USP37: variants seen among roughly 807,000 people sequenced by gnomAD.
USP37 encodes ubiquitin carboxyl-terminal hydrolase 37.
A neutral mutation model predicts 124.0 loss-of-function variants in USP37; 27 were observed. The observed-to-expected ratio is 0.22, with a 90% CI of 0.16 to 0.30. USP37 has a LOEUF of 0.30. Among genes scored for constraint, USP37 ranks in the 10% least tolerant of loss-of-function variants. The pLI is 1.00. For missense variants in USP37, 889 were observed against 1,140.4 expected (o/e 0.78, Z 3.17); for synonymous variants, 365 against 388.0 (o/e 0.94, Z 0.70).
intron 8 of USP37, among the ~76,000 whole-genome samples, chr2:218,544,406 AATATAT>A (rs1198499526): frequency 9.6e-5 from 8 of 82,972 alleles, no homozygotes; most frequent in African/African-American, 2.1e-4. Flanking sequence ...AAAAAAAAAA[AATATAT>A]ATATATATAT....
Position 218,474,734 on chromosome 2 carries a change from G to A in USP37, c.2195C>T (p.Pro732Leu), listed in dbSNP as rs1690871945. The change falls in exon 20 of 26, where the codon CCA (proline) becomes CTA (leucine). Residue 732 changes from proline to leucine, a missense_variant. This residue lies in a region of USP37 where 504 missense variants were observed against 714.3 expected (regional missense o/e 0.71). Transcript: ENST00000258399. ...PSLSHEDDDK[P>L]TSSPDTGFAE... is the part of the protein sequence containing the mutation. Reference sequence around the variant, plus strand: ...AAATCCGGTATCTGGGCTGCTAGTTGGCTTATCATCATCTTCATGACTCAG... The same window carrying A: ...AAATCCGGTATCTGGGCTGCTAGTTAGCTTATCATCATCTTCATGACTCAG... The A allele has an allele frequency of 1.2e-6, 2 of 1,614,068 alleles. No individual in the cohort carries two copies. Among genetic ancestry groups the A allele is most frequent in the Non-Finnish European group, 1.7e-6 (2 of 1,180,004 alleles).
chr2:218,519,159 A>G (rs1016414998), intron 10 of USP37, among the ~76,000 whole-genome samples: 16 of 152,378 alleles, frequency 1.1e-4, no homozygotes, highest in African/African-American at 3.6e-4. Context: ...AATATCTGAT[A>G]TACTTCCATT....
chr2:218,530,210 T>C (rs1330696892), intron 9 of USP37, among the ~76,000 whole-genome samples, 170 bp from the exon 10 acceptor site: 2 of 152,222 alleles, frequency 1.3e-5, no homozygotes, highest in Non-Finnish European at 2.9e-5. Context: ...CTCACAGATA[T>C]TGCAGGTTTT....
At position 218,498,067 on chromosome 2, in the gene USP37, T is replaced by G; in HGVS notation, c.1116A>C (p.Gln372His). ...LQSFANDLLKQGIPWKKIPLN... is the reference protein window; with the variant it reads ...LQSFANDLLKHGIPWKKIPLN... Reference sequence around the variant, plus strand: ...GTGGAATTTTCTTCCATGGGATACCTTGTTTAAGCAAGTCATTTGCAAATG... The same window carrying G: ...GTGGAATTTTCTTCCATGGGATACCGTGTTTAAGCAAGTCATTTGCAAATG... The change falls in exon 12 of 26, where the codon CAA becomes CAC. Residue 372 changes from glutamine to histidine, a missense_variant. This residue lies in a region of USP37 where 504 missense variants were observed against 714.3 expected (regional missense o/e 0.71). Transcript: ENST00000258399. 1 of 1,612,418 alleles carries G rather than the reference T, an allele frequency of 6.2e-7. No homozygotes were observed. The highest frequency in any genetic ancestry group is 8.5e-7 in the Non-Finnish European group (1 of 1,179,560).
chr2:218,557,252 A>G (rs1480903949), intron 4 of USP37, among the ~76,000 whole-genome samples: 1 of 152,214 alleles, frequency 6.6e-6, no homozygotes, highest in Non-Finnish European at 1.5e-5. Flanking sequence ...TGGAACTGAG[A>G]TAAAGGCTGA....
At chr2:218,485,320 A>G (rs1574866667) in intron 16 of USP37, among the ~76,000 whole-genome samples, 1 of 152,002 alleles carries the variant, frequency 6.6e-6, no homozygotes, top group African/African-American at 2.4e-5. Context: ...CTTTAAATAT[A>G]TATTTCTTTC....
At chr2:218,476,804 A>G (rs1198395815) in intron 19 of USP37, 36 bp downstream of exon 19, 3 of 1,578,272 alleles carry the variant, frequency 1.9e-6, no homozygotes, top group African/African-American at 1.4e-5. Context: ...GAGATAAACA[A>G]ATCTTTGTCA....
rs767788438 is a variant in USP37, at chr2:218,534,724, A to C, written c.681-18T>G. 6.6e-7 allele frequency: 1 copy of C among 1,513,348 alleles called. No homozygotes were observed. The highest frequency in any genetic ancestry group is 1.2e-5 in the South Asian group (1 of 83,570). The allele number at this position is 1,513,348 out of a possible 1,614,324, so 93.7% of individuals were successfully genotyped here. ...TGTTGTTCCTATAGTTAATAATTTT[A>C]CATCAATATAGTACAGGTGTATAAA... On this transcript the variant is annotated intron_variant, in intron 8 of 25. Coordinates refer to ENST00000258399, the MANE Select transcript of USP37 (RefSeq NM_020935.3).
chr2:218,484,972 A>G (rs575477402), intron 16 of USP37, among the ~76,000 whole-genome samples: 1 of 152,288 alleles, frequency 6.6e-6, no homozygotes, highest in South Asian at 2.1e-4. Context: ...ATATCAGAAA[A>G]TTTATCTTAT....
At chr2:218,458,050 A>G (rs971664704) in intron 23 of USP37, among the ~76,000 whole-genome samples, 36 of 150,162 alleles carry the variant, frequency 2.4e-4, no homozygotes, top group African/African-American at 7.4e-4. Context: ...AAAAAAAAAA[A>G]AAAAGAAAAG....
At chr2:218,535,547 T>C (rs1251244794) in intron 8 of USP37, among the ~76,000 whole-genome samples, 1 of 151,082 alleles carries the variant, frequency 6.6e-6, no homozygotes, top group Admixed American at 6.6e-5. Flanking sequence ...CCCATCTCTA[T>C]TAAAAATACA....
intron 21 of USP37, 51 bp from the exon 22 acceptor site, chr2:218,463,417 C>T (rs1408194559): frequency 6.6e-7 from 1 of 1,520,964 alleles, no homozygotes; most frequent in Non-Finnish European, 9.1e-7. Flanking sequence ...ACTGATTAAA[C>T]TTACTTAATG....
chr2:218,478,483 A>C (rs1207799455), intron 18 of USP37, among the ~76,000 whole-genome samples: 1 of 152,206 alleles, frequency 6.6e-6, no homozygotes, highest in Non-Finnish European at 1.5e-5. Context: ...TCTGGTTCAT[A>C]ACTCAGCCTC....
At position 218,546,988 on chromosome 2, in the gene USP37, C is replaced by G. The variant is rs775809201; in HGVS notation, c.533G>C (p.Gly178Ala). 4 of 1,613,622 alleles carry G rather than the reference C, an allele frequency of 2.5e-6. No individual in the cohort carries two copies. The African/African-American group carries it at 4.0e-5, about 16-fold the overall frequency. The change falls in exon 7 of 26, where the codon GGA becomes GCA. Residue 178 changes from glycine (G) to alanine (A), a missense_variant. By Grantham distance (60) the Gly-to-Ala change is moderately conservative (BLOSUM62 0). Coordinates refer to ENST00000258399, the MANE Select transcript of USP37 (RefSeq NM_020935.3). ...RGSIKTVAGS[G>A]IARTIPSLTS... Reference sequence around the variant, plus strand: ...CAAAGAAGGAATCGTCCGAGCTATTCCACTTCCTGCTACAGTCTTAATCGA... The same window carrying G: ...CAAAGAAGGAATCGTCCGAGCTATTGCACTTCCTGCTACAGTCTTAATCGA...
chr2:218,460,006 G>A (rs1574833992), intron 22 of USP37, 101 bp from the exon 23 acceptor site: 1 of 742,780 alleles, frequency 1.3e-6, no homozygotes, highest in Admixed American at 2.4e-5. Flanking sequence ...CGAGACAGGT[G>A]GATCACCTGA....
In USP37 at chr2:218,471,692, A is replaced by AT. The variant is rs978551176; in HGVS notation, c.2299+2937dup. ...CAGGCCAAAAAACATGTCTCCCTTG[A>AT]TTTTTTTTTTCCCTTGGCACCTTTG... is the stretch of plus-strand genomic sequence containing the variant. On this transcript the variant is annotated intron_variant, in intron 20 of 25. Transcript: ENST00000258399. 1.1e-4 allele frequency among the ~76,000 whole-genome samples: 16 copies of AT among 149,706 alleles called. No homozygotes were observed. The East Asian group carries it at 2.2e-3, about 20-fold the overall frequency.
intron 10 of USP37, among the ~76,000 whole-genome samples, chr2:218,515,111 T>C (rs987311817): frequency 2.0e-5 from 3 of 152,180 alleles, no homozygotes; most frequent in Admixed American, 2.0e-4. Flanking sequence ...AGCTCTGCTT[T>C]CTTGTACTGA....
At chr2:218,559,582 T>C (rs1195879876) in intron 3 of USP37, among the ~76,000 whole-genome samples, 2 of 152,240 alleles carry the variant, frequency 1.3e-5, no homozygotes, top group Non-Finnish European at 2.9e-5. Flanking sequence ...CTACCATTTA[T>C]ATTTAAACTA....
chr2:218,532,481 A>AG (rs1171533938), intron 9 of USP37, among the ~76,000 whole-genome samples: 52 of 151,368 alleles, frequency 3.4e-4, no homozygotes, highest in African/African-American at 4.1e-4. Flanking sequence ...AAAAAAAAAA[A>AG]AAAGAAAGAA....
Sources: gnomAD v4.1 joint callset for allele counts (sites outside exome capture counted in the v4.1 genomes callset) on GRCh38, gnomAD v4.1.1 for gene constraint, gnomAD v4.1.1 regional missense constraint, MANE v1.5 for transcripts, NCBI Gene and HGNC (gene_info 2026-07-23, HGNC 2026-07-21) for gene names.